The following FBXO25 variants were observed in gnomAD, a reference collection of about 807,000 sequenced individuals.
The protein encoded by FBXO25 is F-box only protein 25.
FBXO25 carries 45 observed loss-of-function variants against 51.9 expected under a neutral mutation model. The ratio of observed to expected loss-of-function variants is 0.87; its 90% CI spans 0.68 to 1.11. FBXO25 has a LOEUF of 1.11. FBXO25 is among the 50% of genes most tolerant of loss of function. The pLI is 0.00. For synonymous variants in FBXO25, 199 were observed against 151.0 expected (o/e 1.32, Z -2.33); for missense variants, 507 against 428.5 (o/e 1.18, Z -1.62).
chr8:463,183 G>T, intron 9 of FBXO25, 33 bp downstream of exon 9: 2 of 1,599,128 alleles, frequency 1.3e-6, no homozygotes, highest in Non-Finnish European at 1.7e-6. Context: ...GGAATTTCAG[G>T]ATTAAATTTT....
Position 469,374 on chromosome 8 carries a change from A to G in FBXO25, c.*570A>G, listed in dbSNP as rs1234486825. The G allele has an allele frequency of 6.6e-6, 1 of 152,500 alleles. No individual in the cohort carries two copies. The allele number at this position is 152,500 out of a possible 1,614,324, so 9.4% of individuals were successfully genotyped here. On this transcript the variant is annotated 3_prime_UTR_variant, in exon 10 of 10. Coordinates refer to ENST00000350302, the MANE Select transcript of FBXO25 (RefSeq NM_183420.2). ...TTATGGATCGGGGTATGAAGTGTGCACACGCAGCCCAACAACGGGCAGTGG... is the reference window on the plus strand; with the variant it reads ...TTATGGATCGGGGTATGAAGTGTGCGCACGCAGCCCAACAACGGGCAGTGG...
chr8:422,277 C>A (rs539008921), intron 2 of FBXO25, among the ~76,000 whole-genome samples: 1 of 152,346 alleles, frequency 6.6e-6, no homozygotes, highest in South Asian at 2.1e-4. Flanking sequence ...TGGTGTGGTG[C>A]TGTGTGAATG....
At chr8:447,591 A>C (rs538759612) in intron 5 of FBXO25, among the ~76,000 whole-genome samples, 3 of 152,264 alleles carry the variant, frequency 2.0e-5, no homozygotes, top group Admixed American at 6.5e-5. Flanking sequence ...AATGCTTAGA[A>C]CTGGAAGTGT....
intron 7 of FBXO25, 30 bp from the exon 8 acceptor site, chr8:458,339 C>G (rs970010696): frequency 2.9e-5 from 47 of 1,603,126 alleles, no homozygotes; most frequent in Non-Finnish European, 3.9e-5. Context: ...GCCATCTTCT[C>G]AGTGAGTTGC....
intron 2 of FBXO25, among the ~76,000 whole-genome samples, chr8:421,895 A>C (rs964611211): frequency 1.4e-4 from 21 of 152,232 alleles, no homozygotes; most frequent in African/African-American, 4.8e-4. Context: ...CAGGATAGAC[A>C]ACAGTAGTAA....
chr8:441,815 T>C (rs2116656287), intron 5 of FBXO25, among the ~76,000 whole-genome samples: 1 of 152,290 alleles, frequency 6.6e-6, no homozygotes, highest in Non-Finnish European at 1.5e-5. Context: ...TGACATACCA[T>C]CTCACACCAG....
At chr8:446,965 C>G (rs184521943) in intron 5 of FBXO25, among the ~76,000 whole-genome samples, 1 of 152,138 alleles carries the variant, frequency 6.6e-6, no homozygotes, top group African/African-American at 2.4e-5. Context: ...GAGGCAGATG[C>G]AATTCACAGA....
chr8:429,127 A>G lies in FBXO25; in HGVS notation c.135-2214A>G, dbSNP rs952619311. Among the ~76,000 whole-genome samples the G allele has an allele frequency of 4.6e-5, 7 of 152,200 alleles. 1 individual carries two copies. In the South Asian group the frequency reaches 6.2e-4, roughly 13 times the overall value. On this transcript the variant is annotated intron_variant, in intron 2 of 9. Transcript: ENST00000350302. ...TTGAAGAACCTCCATACTGTTTCCTATAGTAGCTATACCATCCTCCATTCC... is the reference window on the plus strand; with the variant it reads ...TTGAAGAACCTCCATACTGTTTCCTGTAGTAGCTATACCATCCTCCATTCC...
chr8:444,088 C>T (rs914666881), intron 5 of FBXO25, among the ~76,000 whole-genome samples: 2 of 152,196 alleles, frequency 1.3e-5, no homozygotes, highest in Admixed American at 1.3e-4. Context: ...CTCACAGGGG[C>T]ATTACAGCAT....
intron 7 of FBXO25, among the ~76,000 whole-genome samples, chr8:458,052 A>C (rs1185279021): frequency 6.6e-6 from 1 of 152,206 alleles, no homozygotes; most frequent in African/African-American, 2.4e-5. Context: ...GCCCTTCTCC[A>C]GGTGCGTCTT....
At chr8:415,090 T>C (rs1346815110) in intron 2 of FBXO25, among the ~76,000 whole-genome samples, 2 of 152,236 alleles carry the variant, frequency 1.3e-5, no homozygotes, top group South Asian at 2.1e-4. Context: ...AAAATCACTA[T>C]ATAAATGGCC....
At chr8:466,269 C>G (rs563247810) in intron 9 of FBXO25, among the ~76,000 whole-genome samples, 25 of 152,350 alleles carry the variant, frequency 1.6e-4, no homozygotes, top group African/African-American at 6.0e-4. Flanking sequence ...GGCGAGTGGC[C>G]TGGTGGGCCA....
rs566799717 is a variant in FBXO25 at position 474,635 on chromosome 8, C to G, written c.*5831C>G. ...TGCATTTCCGTAATGACTGGTGATG[C>G]TGAGTATCTGTTTGTTGGCCGTTTA... On this transcript the variant is annotated 3_prime_UTR_variant, in exon 10 of 10. Coordinates refer to ENST00000350302, the MANE Select transcript of FBXO25 (RefSeq NM_183420.2). 2.2e-4 allele frequency: 94 copies of G among 430,958 alleles called. No homozygotes were observed. The highest frequency in any genetic ancestry group is 1.6e-3 in the African/African-American group (76 of 48,780). 26.7% of individuals were successfully genotyped at this position (430,958 alleles called of 1,614,324 possible).
rs1347182036 is a variant in FBXO25, at chr8:477,013, A to G, written c.*8209A>G. 1 of 152,048 alleles carries G rather than the reference A, an allele frequency of 6.6e-6. No homozygotes were observed. The allele number at this position is 152,048 out of a possible 1,614,324, so 9.4% of individuals were successfully genotyped here. A position where few individuals can be genotyped will look rare whatever the true frequency, so the allele number is the denominator to read the frequency against. ...TTACATTTTTCATTTACCACAAGAT[A>G]TTTTCTAATTTCCCTTGTGAGTTCC... On this transcript the variant is annotated 3_prime_UTR_variant, in exon 10 of 10. Coordinates refer to ENST00000350302, the MANE Select transcript of FBXO25 (RefSeq NM_183420.2).
At chr8:449,574 A>C (rs938137610) in intron 5 of FBXO25, among the ~76,000 whole-genome samples, 2 of 152,226 alleles carry the variant, frequency 1.3e-5, no homozygotes, top group Non-Finnish European at 2.9e-5. Context: ...TTGTCTGTTC[A>C]GCAAACAACT....
rs1365192747 is a variant in FBXO25 at position 470,867 on chromosome 8, ATTAC to A, written c.*2067_*2070del. On this transcript the variant is annotated 3_prime_UTR_variant, in exon 10 of 10. Coordinates refer to ENST00000350302, the MANE Select transcript of FBXO25 (RefSeq NM_183420.2). ...CATTTGCTTTTCTTGTTTTTGGTAA[ATTAC>A]TTAATGTGGTATTTGCCTGTTTTTT... is the stretch of plus-strand genomic sequence containing the variant. 3.9e-5 allele frequency: 6 copies of A among 152,124 alleles called. No individual in the cohort carries two copies. The highest frequency in any genetic ancestry group is 7.4e-5 in the Non-Finnish European group (5 of 68,024). 9.4% of individuals were successfully genotyped at this position (152,124 alleles called of 1,614,324 possible).
At chr8:468,001 C>T (rs1800296601) in intron 9 of FBXO25, 3 of 1,331,556 alleles carry the variant, frequency 2.3e-6, no homozygotes, top group Non-Finnish European at 2.9e-6. Flanking sequence ...ATAAACACTT[C>T]ACCACACAGC....
Position 470,687 on chromosome 8 carries a change from A to G in FBXO25, c.*1883A>G, listed in dbSNP as rs1010278513. 4.6e-5 allele frequency: 7 copies of G among 152,188 alleles called. No individual in the cohort carries two copies. The highest frequency in any genetic ancestry group is 1.0e-4 in the Non-Finnish European group (7 of 68,042). 9.4% of individuals were successfully genotyped at this position (152,188 alleles called of 1,614,324 possible). On this transcript the variant is annotated 3_prime_UTR_variant, in exon 10 of 10. Coordinates refer to ENST00000350302, the MANE Select transcript of FBXO25 (RefSeq NM_183420.2). ...TGAGCCACCACGTCCAGCTGAGAAA[A>G]GAAATTGTTCTAATCTAGGAAAGGG...
intron 5 of FBXO25, among the ~76,000 whole-genome samples, chr8:442,770 T>C (rs994776258): frequency 4.6e-5 from 7 of 152,166 alleles, no homozygotes; most frequent in African/African-American, 1.4e-4. Context: ...CTGCCCAGCC[T>C]ATTTCCACTT....
Sources: allele counts gnomAD v4.1 joint callset (sites outside exome capture counted in the v4.1 genomes callset), GRCh38; gene constraint gnomAD v4.1.1; transcripts MANE v1.5; gene names NCBI Gene and HGNC (gene_info 2026-07-23, HGNC 2026-07-21).